Variants in PLEKHG1 observed in about 807,000 individuals in gnomAD.
PLEKHG1 encodes pleckstrin homology domain-containing family G member 1.
A neutral mutation model predicts 100.8 loss-of-function variants in PLEKHG1; 44 were observed. The ratio of observed to expected loss-of-function variants is 0.44; its 90% CI spans 0.34 to 0.56. PLEKHG1 has a LOEUF of 0.56. Among genes scored for constraint, PLEKHG1 ranks in the 20% least tolerant of loss-of-function variants. The pLI, the probability that PLEKHG1 is intolerant of heterozygous loss-of-function variation, is 0.01. For synonymous variants in PLEKHG1, 640 were observed against 662.5 expected, an observed-to-expected ratio of 0.97 and a Z score of 0.52; for missense variants, 1,545 against 1,720.9, an observed-to-expected ratio of 0.90 and a Z score of 1.81.
intron 15 of PLEKHG1, among the ~76,000 whole-genome samples, chr6:150,835,167 C>T (rs1777159575): frequency 6.6e-6 from 1 of 152,158 alleles, no homozygotes; most frequent in Non-Finnish European, 1.5e-5. Context: ...CTATAAATCA[C>T]CCAACCAGGT....
chr6:150,785,967 C>T lies in PLEKHG1; in HGVS notation c.513-423C>T, dbSNP rs139045366. ...CAGTCTGTGGAAAAGTTGTCTTCCA[C>T]GAAACTGATCCCTGGTGCCAAAAAG... On this transcript the variant is annotated intron_variant, in intron 3 of 15. Coordinates refer to ENST00000358517, the Ensembl canonical transcript of PLEKHG1. 2.2e-3 allele frequency among the ~76,000 whole-genome samples: 333 copies of T among 152,098 alleles called. 2 individuals are homozygous for T. Among genetic ancestry groups the T allele is most frequent in the African/African-American group, 7.8e-3 (322 of 41,488 alleles).
At chr6:150,692,201 G>C (rs1374003516) in intron 3 of PLEKHG1, among the ~76,000 whole-genome samples, 1 of 152,158 alleles carries the variant, frequency 6.6e-6, no homozygotes, top group Non-Finnish European at 1.5e-5. Flanking sequence ...TTTATGTACT[G>C]AAAGTATTTT....
At chr6:150,766,210 T>C (rs372198432) in intron 2 of PLEKHG1, among the ~76,000 whole-genome samples, 109 of 152,324 alleles carry the variant, frequency 7.2e-4, no homozygotes, top group African/African-American at 2.6e-3. Context: ...TTGATCCTCT[T>C]GGAGAATAAT....
intron 1 of PLEKHG1, chr6:150,721,249 C>G: frequency 1.2e-6 from 1 of 847,148 alleles, no homozygotes; most frequent in Non-Finnish European, 1.4e-6. Flanking sequence ...GGAACAAACG[C>G]TCCTTCCCTC....
At position 150,770,544 on chromosome 6, in the gene PLEKHG1, G is replaced by A. The variant is rs556329758; in HGVS notation, c.512+1806G>A. On this transcript the variant is annotated intron_variant, in intron 3 of 15. Coordinates refer to ENST00000358517, the Ensembl canonical transcript of PLEKHG1. Reference sequence around the variant, plus strand: ...CTTCAGAAATTCTGACTCGTTGGTCGAGGTGGGGCCAGAACATCAGAATTT... The same window carrying A: ...CTTCAGAAATTCTGACTCGTTGGTCAAGGTGGGGCCAGAACATCAGAATTT... Among the ~76,000 whole-genome samples, 13 of 152,308 alleles carry A rather than the reference G, an allele frequency of 8.5e-5. No individual in the cohort carries two copies. The South Asian group carries it at 2.7e-3, about 32-fold the overall frequency.
chr6:150,678,295 C>A (rs1401025146), intron 3 of PLEKHG1, among the ~76,000 whole-genome samples: 2 of 151,926 alleles, frequency 1.3e-5, no homozygotes, highest in African/African-American at 2.4e-5. Flanking sequence ...CTTGCCCACC[C>A]AGGCCCCTCC....
At chr6:150,770,109 GA>G (rs1784646306) in intron 3 of PLEKHG1, among the ~76,000 whole-genome samples, 1 of 152,178 alleles carries the variant, frequency 6.6e-6, no homozygotes, top group African/African-American at 2.4e-5. Context: ...CGGCACAGAG[GA>G]AGTACCAAAA....
chr6:150,758,291 A>G (rs563539498), intron 2 of PLEKHG1, among the ~76,000 whole-genome samples: 26 of 152,100 alleles, frequency 1.7e-4, no homozygotes, highest in Non-Finnish European at 2.5e-4. Flanking sequence ...AACAGTGGAA[A>G]AGTGTTCCTT....
intron 1 of PLEKHG1, among the ~76,000 whole-genome samples, chr6:150,722,489 G>T (rs985525846): frequency 6.4e-4 from 97 of 151,428 alleles, no homozygotes; most frequent in African/African-American, 2.3e-3. Flanking sequence ...GAGTAGCTGG[G>T]ATTACAGGCA....
chr6:150,612,053 C>CT (rs1343924725), intron 1 of PLEKHG1, among the ~76,000 whole-genome samples: 2 of 104,902 alleles, frequency 1.9e-5, no homozygotes, highest in African/African-American at 3.2e-5. Context: ...GTTCCCCCCC[C>CT]CCCCCCCTTT....
At chr6:150,651,774 A>T (rs1778750787) in intron 3 of PLEKHG1, 5 of 152,032 alleles carry the variant, frequency 3.3e-5, no homozygotes, top group Admixed American at 3.3e-4. Flanking sequence ...CAGGAGAATC[A>T]CTTGAAGCAG....
intron 3 of PLEKHG1, among the ~76,000 whole-genome samples, chr6:150,702,899 C>T (rs961207256): frequency 1.8e-4 from 28 of 152,140 alleles, no homozygotes; most frequent in African/African-American, 6.3e-4. Flanking sequence ...TCATTCCTTA[C>T]GAGGAAGCAG....
At chr6:150,764,589 G>A (rs1784362450) in intron 2 of PLEKHG1, among the ~76,000 whole-genome samples, 1 of 152,204 alleles carries the variant, frequency 6.6e-6, no homozygotes, top group African/African-American at 2.4e-5. Flanking sequence ...CGCACGCCCT[G>A]CTCTGTCCAG....
rs573092655 is a variant in PLEKHG1 at position 150,836,286 on chromosome 6, C to G, written c.3095-3547C>G. ...CCAGCTACTCTGGAGGCTGAGGCAG[C>G]AGAATCGCTTGAACCTGGGAAGTGG... On this transcript the variant is annotated intron_variant, in intron 15 of 15. Transcript: ENST00000358517. Among the ~76,000 whole-genome samples, 456 of 151,996 alleles carry G rather than the reference C, an allele frequency of 3.0e-3. 4 individuals are homozygous for G. The highest frequency in any genetic ancestry group is 5.6e-3 in the Non-Finnish European group (379 of 67,950).
intron 1 of PLEKHG1, among the ~76,000 whole-genome samples, chr6:150,615,940 C>T (rs768504387): frequency 1.3e-5 from 2 of 152,212 alleles, no homozygotes; most frequent in African/African-American, 2.4e-5. Flanking sequence ...CATATGTTTA[C>T]TAATTTCATG....
chr6:150,753,463 G>A (rs1476925450), intron 2 of PLEKHG1, among the ~76,000 whole-genome samples: 3 of 152,156 alleles, frequency 2.0e-5, no homozygotes, highest in Admixed American at 6.5e-5. Flanking sequence ...CAGAAAGCCC[G>A]AAGTGGGTGC....
chr6:150,839,977 G>A, exon 16 of PLEKHG1: 1 of 1,614,144 alleles, frequency 6.2e-7, no homozygotes, highest in East Asian at 2.2e-5. Flanking sequence ...CACCATGGTA[G>A]TGGAGACTGG....
intron 3 of PLEKHG1, among the ~76,000 whole-genome samples, chr6:150,672,449 G>T (rs1779615511): frequency 6.6e-6 from 1 of 152,186 alleles, no homozygotes; most frequent in Admixed American, 6.5e-5. Flanking sequence ...TCATGGAGAT[G>T]AGTGAAAATT....
intron 2 of PLEKHG1, among the ~76,000 whole-genome samples, chr6:150,764,855 A>G (rs1784377267): frequency 6.6e-6 from 1 of 151,994 alleles, no homozygotes; most frequent in Non-Finnish European, 1.5e-5. Context: ...AATCTCTATC[A>G]GTCTTGCTGC....
Sources: allele counts gnomAD v4.1 joint callset (sites outside exome capture counted in the v4.1 genomes callset), GRCh38; gene constraint gnomAD v4.1.1; transcripts MANE v1.5; gene names NCBI Gene and HGNC (gene_info 2026-07-23, HGNC 2026-07-21).